ADAMTS6: variants seen among roughly 807,000 people sequenced by gnomAD.
The protein encoded by ADAMTS6 is ADAM metallopeptidase with thrombospondin type 1 motif 6.
In ADAMTS6, 23 loss-of-function variants were observed where a neutral mutation model predicts 144.3. That is an observed-to-expected ratio of 0.16 (90% CI 0.11 to 0.23). The LOEUF is 0.23. Among genes scored for constraint, ADAMTS6 ranks in the 10% least tolerant of loss-of-function variants. The pLI is 1.00. For synonymous variants in ADAMTS6, 444 were observed against 457.5 expected, an observed-to-expected ratio of 0.97 and a Z score of 0.38; for missense variants, 999 against 1,379.6, an observed-to-expected ratio of 0.72 and a Z score of 4.37.
At chr5:65,198,185 T>C (rs1755510359) in intron 20 of ADAMTS6, among the ~76,000 whole-genome samples, 1 of 152,136 alleles carries the variant, frequency 6.6e-6, no homozygotes, top group Admixed American at 6.5e-5. Flanking sequence ...CACACTAAGC[T>C]ATTCCCCCAC....
At chr5:65,306,103 C>T (rs1743914386) in intron 9 of ADAMTS6, among the ~76,000 whole-genome samples, 1 of 152,208 alleles carries the variant, frequency 6.6e-6, no homozygotes, top group African/African-American at 2.4e-5. Flanking sequence ...CATATTGTGT[C>T]ACCCTTGTGG....
At chr5:65,463,569 G>A (rs1331917758) in intron 3 of ADAMTS6, among the ~76,000 whole-genome samples, 1 of 152,036 alleles carries the variant, frequency 6.6e-6, no homozygotes, top group Non-Finnish European at 1.5e-5. Context: ...GGACTATTAG[G>A]GCTAATTTCA....
chr5:65,396,319 C>T (rs1176748122), intron 7 of ADAMTS6, among the ~76,000 whole-genome samples: 1 of 152,124 alleles, frequency 6.6e-6, no homozygotes, highest in Non-Finnish European at 1.5e-5. Flanking sequence ...AATTAGAATG[C>T]TGTGACAGTC....
intron 7 of ADAMTS6, among the ~76,000 whole-genome samples, chr5:65,399,474 T>C (rs1330766963): frequency 2.0e-5 from 3 of 152,198 alleles, no homozygotes; most frequent in Non-Finnish European, 4.4e-5. Flanking sequence ...TAACAGAGCA[T>C]TGTGTATGAT....
At chr5:65,439,197 C>A in intron 7 of ADAMTS6, among the ~76,000 whole-genome samples, 1 of 151,926 alleles carries the variant, frequency 6.6e-6, no homozygotes, top group Non-Finnish European at 1.5e-5. Context: ...AAGTAGAATG[C>A]CAACTACCTA....
intron 7 of ADAMTS6, among the ~76,000 whole-genome samples, chr5:65,380,112 A>G (rs1469481320): frequency 3.3e-5 from 5 of 152,178 alleles, no homozygotes; most frequent in African/African-American, 4.8e-5. Context: ...AAAATAGTAT[A>G]AATCAGAACT....
intron 24 of ADAMTS6, among the ~76,000 whole-genome samples, chr5:65,162,620 T>TAC (rs10529076): frequency 0.15 from 21,361 of 145,754 alleles, 1,580 homozygotes; most frequent in East Asian, 0.3. Context: ...TATAAGATAC[T>TAC]ACACACACAC....
intron 14 of ADAMTS6, among the ~76,000 whole-genome samples, chr5:65,242,485 AT>A (rs1219841844): frequency 6.6e-6 from 1 of 152,224 alleles, no homozygotes; most frequent in East Asian, 1.9e-4. Context: ...TTTGTAGTCC[AT>A]CAGGTATCTC....
intron 7 of ADAMTS6, among the ~76,000 whole-genome samples, chr5:65,437,034 G>T (rs116922976): frequency 6.6e-6 from 1 of 152,012 alleles, no homozygotes; most frequent in Admixed American, 6.6e-5. Flanking sequence ...CATAGCAAAA[G>T]GTGAAAGACA....
At chr5:65,414,276 ATTGT>A (rs976453729) in intron 7 of ADAMTS6, among the ~76,000 whole-genome samples, 16 of 152,046 alleles carry the variant, frequency 1.1e-4, no homozygotes, top group African/African-American at 3.9e-4. Context: ...TATTATTTTC[ATTGT>A]TTATTTTTTA....
intron 11 of ADAMTS6, among the ~76,000 whole-genome samples, chr5:65,282,250 G>C (rs899884028): frequency 1.3e-5 from 2 of 152,108 alleles, no homozygotes; most frequent in Non-Finnish European, 2.9e-5. Flanking sequence ...ACATTTTAAG[G>C]GGTGGGGAGT....
intron 14 of ADAMTS6, among the ~76,000 whole-genome samples, chr5:65,253,193 ATTTTCTATTTTCTATTGTAACTTACAC>A (rs1356257913): frequency 2.6e-5 from 4 of 152,142 alleles, no homozygotes; most frequent in Non-Finnish European, 4.4e-5. Context: ...TACCCAGCCA[ATTTTCTATTTTCTATTGTAACTTACAC>A]TTTGAGCATA....
chr5:65,342,588 C>T (rs890870150), intron 7 of ADAMTS6, among the ~76,000 whole-genome samples: 3 of 152,122 alleles, frequency 2.0e-5, no homozygotes, highest in South Asian at 2.1e-4. Flanking sequence ...GACAAACCCA[C>T]AGCCAAAATC....
rs190392580 is a variant in ADAMTS6, at chr5:65,366,089, G to A, written c.1074-32004C>T. On this transcript the variant is annotated intron_variant, in intron 7 of 24. Transcript: ENST00000381055. ...CAAAACAAAAATCCATTTGTTCTGG[G>A]TTTAAAACCAATCATTGCATCAGAT... 5.4e-4 allele frequency among the ~76,000 whole-genome samples: 82 copies of A among 152,168 alleles called. No individual in the cohort carries two copies. In the East Asian group the frequency reaches 0.01, roughly 19 times the overall value.
chr5:65,244,085 A>C (rs148831655), intron 14 of ADAMTS6, among the ~76,000 whole-genome samples: 3 of 152,288 alleles, frequency 2.0e-5, no homozygotes, highest in African/African-American at 7.2e-5. Flanking sequence ...GGGATATATC[A>C]GTTAAGAAAA....
intron 20 of ADAMTS6, among the ~76,000 whole-genome samples, chr5:65,198,346 T>A (rs1422090236): frequency 6.6e-6 from 1 of 151,974 alleles, no homozygotes; most frequent in Non-Finnish European, 1.5e-5. Context: ...CCCAGTTGTT[T>A]CAAGTAATAA....
chr5:65,170,559 G>A, intron 24 of ADAMTS6, 58 bp downstream of exon 24: 1 of 1,586,646 alleles, frequency 6.3e-7, no homozygotes, highest in Non-Finnish European at 8.6e-7. Context: ...TTCAGACCCT[G>A]GGAACAGTAA....
intron 7 of ADAMTS6, among the ~76,000 whole-genome samples, chr5:65,411,784 G>T (rs1241662117): frequency 6.6e-6 from 1 of 152,034 alleles, no homozygotes; most frequent in African/African-American, 2.4e-5. Flanking sequence ...TTTAAATATA[G>T]GTCTTTGAAA....
intron 7 of ADAMTS6, among the ~76,000 whole-genome samples, chr5:65,383,005 ATAAGC>A (rs1302785532): frequency 6.6e-6 from 1 of 152,196 alleles, no homozygotes; most frequent in African/African-American, 2.4e-5. Context: ...AAAGGAGAAG[ATAAGC>A]TCCTTTGGAT....
Sources: allele counts gnomAD v4.1 joint callset (sites outside exome capture counted in the v4.1 genomes callset), GRCh38; gene constraint gnomAD v4.1.1; transcripts MANE v1.5; gene names NCBI Gene and HGNC (gene_info 2026-07-23, HGNC 2026-07-21).